Variants in STX18 observed in about 807,000 individuals in gnomAD.
STX18 encodes the protein syntaxin 18.
STX18 carries 40 observed loss-of-function variants against 50.1 expected under a neutral mutation model. The ratio of observed to expected loss-of-function variants is 0.80; its 90% CI spans 0.62 to 1.04. STX18 has a LOEUF of 1.04. Ranked by LOEUF, STX18 falls within the 50% of genes least tolerant of loss-of-function variation. STX18 has a pLI of 0.00. For synonymous variants in STX18, 158 were observed against 151.8 expected (o/e 1.04, Z -0.30); for missense variants, 410 against 415.8 (o/e 0.99, Z 0.12).
intron 5 of STX18, among the ~76,000 whole-genome samples, chr4:4,445,082 TTATG>T (rs1726319699): frequency 6.6e-6 from 1 of 152,136 alleles, no homozygotes. Context: ...TATGGTATGA[TTATG>T]TATGTAGAAA....
intron 1 of STX18, among the ~76,000 whole-genome samples, chr4:4,511,772 G>A (rs1014560628): frequency 9.0e-5 from 13 of 144,878 alleles, no homozygotes; most frequent in African/African-American, 2.8e-4. Context: ...ATGCCCCTAG[G>A]TTAAGGTCCT....
chr4:4,525,559 A>T (rs1470368007), intron 1 of STX18, among the ~76,000 whole-genome samples: 2 of 152,202 alleles, frequency 1.3e-5, no homozygotes, highest in Non-Finnish European at 2.9e-5. Flanking sequence ...TCTGCAAGGC[A>T]CTAGGAATAC....
At chr4:4,450,192 A>G (rs1456918477) in intron 5 of STX18, among the ~76,000 whole-genome samples, 1 of 152,202 alleles carries the variant, frequency 6.6e-6, no homozygotes, top group Non-Finnish European at 1.5e-5. Flanking sequence ...TTACAACCAT[A>G]GTTACTTCTG....
At chr4:4,463,877 T>C (rs764187742) in intron 2 of STX18, among the ~76,000 whole-genome samples, 9 of 152,166 alleles carry the variant, frequency 5.9e-5, no homozygotes, top group Non-Finnish European at 1.3e-4. Flanking sequence ...ATAATGCAAA[T>C]GAAGTGCATT....
intron 1 of STX18, among the ~76,000 whole-genome samples, chr4:4,532,324 T>A (rs547725165): frequency 3.3e-5 from 5 of 152,328 alleles, no homozygotes; most frequent in African/African-American, 1.2e-4. Context: ...AATTTTATAA[T>A]CAGATTTTAA....
chr4:4,489,137 A>G (rs1430321974), intron 1 of STX18, among the ~76,000 whole-genome samples: 1 of 152,184 alleles, frequency 6.6e-6, no homozygotes, highest in Non-Finnish European at 1.5e-5. Flanking sequence ...TTTGGTAACA[A>G]GATATATGTC....
intron 1 of STX18, among the ~76,000 whole-genome samples, chr4:4,509,799 T>C (rs965292091): frequency 1.3e-5 from 2 of 151,932 alleles, no homozygotes; most frequent in Admixed American, 6.6e-5. Context: ...AGATGACATA[T>C]AAGAAAATGT....
chr4:4,476,971 G>A (rs573031239), intron 1 of STX18, among the ~76,000 whole-genome samples: 19 of 152,034 alleles, frequency 1.2e-4, no homozygotes, highest in East Asian at 3.9e-4. Flanking sequence ...AGGCTGAGGC[G>A]GGCGGGTCAC....
intron 1 of STX18, among the ~76,000 whole-genome samples, chr4:4,472,970 T>C (rs1310646976): frequency 2.0e-5 from 3 of 152,206 alleles, no homozygotes. Context: ...GAATTAAGTA[T>C]GGTCACAATA....
intron 1 of STX18, among the ~76,000 whole-genome samples, chr4:4,503,413 C>A (rs2108881591): frequency 6.6e-6 from 1 of 152,302 alleles, no homozygotes; most frequent in South Asian, 2.1e-4. Flanking sequence ...TTAATCCACA[C>A]ACACTAGTAA....
At chr4:4,465,105 AT>A (rs1560177495) in intron 2 of STX18, among the ~76,000 whole-genome samples, 1 of 152,002 alleles carries the variant, frequency 6.6e-6, no homozygotes, top group Non-Finnish European at 1.5e-5. Context: ...TGTTAGCTGC[AT>A]CCCAGAGATT....
At position 4,423,557 on chromosome 4, in the gene STX18, G is replaced by A. The variant is rs1725076501; in HGVS notation, c.792C>T (p.Ser264=). The A allele has an allele frequency of 6.2e-7, 1 of 1,614,192 alleles. No homozygotes were observed. The highest frequency in any genetic ancestry group is 1.3e-5 in the African/African-American group (1 of 75,042). The change falls in exon 9 of 11, where the codon TCC becomes TCT. Residue 264 remains serine (S), a synonymous_variant. Coordinates refer to ENST00000306200, the MANE Select transcript of STX18 (RefSeq NM_016930.4). ...TTTCCGTGAATATCTCTTGGAGTCTGGAAATCTCAACCACTCTCCCTTCGA... is the reference window on the plus strand; with the variant it reads ...TTTCCGTGAATATCTCTTGGAGTCTAGAAATCTCAACCACTCTCCCTTCGA... ...RQIEGRVVEI[S]RLQEIFTEKV... is the part of the protein sequence containing the mutation.
intron 5 of STX18, among the ~76,000 whole-genome samples, chr4:4,449,557 C>T (rs958340905): frequency 4.6e-5 from 7 of 152,166 alleles, no homozygotes; most frequent in South Asian, 2.1e-4. Flanking sequence ...GATGTTTCCT[C>T]GCGGTTGGAT....
chr4:4,534,593 C>T (rs1052390433), intron 1 of STX18, among the ~76,000 whole-genome samples: 8 of 152,206 alleles, frequency 5.3e-5, no homozygotes, highest in Non-Finnish European at 7.3e-5. Flanking sequence ...CCATGTCAGT[C>T]TTGTTACATT....
intron 2 of STX18, among the ~76,000 whole-genome samples, chr4:4,466,088 C>T (rs1727606107): frequency 6.6e-6 from 1 of 152,104 alleles, no homozygotes; most frequent in Non-Finnish European, 1.5e-5. Flanking sequence ...TACTCTTCTA[C>T]CAGGCACATG....
At chr4:4,444,113 C>T (rs1726262510) in intron 5 of STX18, among the ~76,000 whole-genome samples, 1 of 152,166 alleles carries the variant, frequency 6.6e-6, no homozygotes. Context: ...CACTTGATGG[C>T]AATTTAAGTA....
chr4:4,477,867 T>C (rs1728267192), intron 1 of STX18: 1 of 152,182 alleles, frequency 6.6e-6, no homozygotes, highest in South Asian at 2.1e-4. Flanking sequence ...TTTCACCCAA[T>C]CGTGATCGCT....
At chr4:4,430,016 A>C (rs1215107263) in intron 7 of STX18, among the ~76,000 whole-genome samples, 1 of 152,216 alleles carries the variant, frequency 6.6e-6, no homozygotes, top group Admixed American at 6.5e-5. Context: ...GAAAGGGAGA[A>C]ATTTTCTTGA....
intron 1 of STX18, among the ~76,000 whole-genome samples, chr4:4,503,627 T>C (rs1729562723): frequency 6.6e-6 from 1 of 152,094 alleles, no homozygotes; most frequent in Non-Finnish European, 1.5e-5. Context: ...CTTATCCACG[T>C]AACCAAAACA....
Sources: gnomAD v4.1 joint callset for allele counts (sites outside exome capture counted in the v4.1 genomes callset) on GRCh38, gnomAD v4.1.1 for gene constraint, MANE v1.5 for transcripts, NCBI Gene and HGNC (gene_info 2026-07-23, HGNC 2026-07-21) for gene names.